The following ACADM variants were observed in gnomAD, a reference collection of about 807,000 sequenced individuals.
ACADM encodes the protein medium-chain specific acyl-CoA dehydrogenase, mitochondrial.
Under a neutral mutation model 58.9 loss-of-function variants are expected in ACADM, and 49 were observed. That is an observed-to-expected ratio of 0.83 (90% CI 0.66 to 1.06). ACADM has a LOEUF of 1.06. Ranked by LOEUF, ACADM falls within the 50% of genes least tolerant of loss-of-function variation. The pLI is 0.00. For synonymous variants in ACADM, 160 were observed against 157.7 expected (o/e 1.01, Z -0.11); for missense variants, 496 against 507.0 (o/e 0.98, Z 0.21).
chr1:75,735,393 A>G (rs114408488), intron 6 of ACADM, among the ~76,000 whole-genome samples: 1,882 of 150,014 alleles, frequency 0.013, 49 homozygotes, highest in African/African-American at 0.044. Flanking sequence ...TCTACTTGTG[A>G]TGTTTTTGGG....
rs138769157 is a variant in ACADM at position 75,746,213 on chromosome 1, G to T, written c.708+299G>T. Among the ~76,000 whole-genome samples the T allele has an allele frequency of 6.2e-3, 944 of 152,232 alleles. 12 individuals are homozygous for T. The highest frequency in any genetic ancestry group is 0.022 in the African/African-American group (908 of 41,532). On this transcript the variant is annotated intron_variant, in intron 8 of 11. Coordinates refer to ENST00000370841, the MANE Select transcript of ACADM (RefSeq NM_000016.6). ...TACCTGACCAATAATAAGAATTCTG[G>T]ATATTTCAAGGGACTTTCCCACTCT...
At chr1:75,734,760 T>G in intron 5 of ACADM, 31 bp from the exon 6 acceptor site, 1 of 1,533,922 alleles carries the variant, frequency 6.5e-7, no homozygotes. Flanking sequence ...TAAAAATGAC[T>G]TGATTTTTTA....
At position 75,749,531 on chromosome 1, in the gene ACADM, T is replaced by G. The variant is rs1197329004; in HGVS notation, c.821T>G (p.Met274Arg). The G allele has an allele frequency of 6.2e-7, 1 of 1,614,056 alleles. No individual in the cohort carries two copies. Among genetic ancestry groups the G allele is most frequent in the South Asian group, 1.1e-5 (1 of 91,080 alleles). The stretch of plus-strand genomic sequence containing the variant: ...GACGGAGCTGGTTTCAAAGTTGCAA[T>G]GGGAGCTTTTGATAAAACCAGACCT... ...IGDGAGFKVA[M>R]GAFDKTRPVV... Residue 274 changes from methionine (M) to arginine (R), a missense_variant, in exon 9 of 12, where the codon ATG becomes AGG. Transcript: ENST00000370841.
chr1:75,746,267 T>C (rs1441990221), intron 8 of ACADM, among the ~76,000 whole-genome samples: 3 of 152,160 alleles, frequency 2.0e-5, no homozygotes, highest in African/African-American at 7.2e-5. Context: ...ACAGCAACCT[T>C]TTGGTAGGAT....
chr1:75,749,240 T>C (rs1648065194), intron 8 of ACADM, among the ~76,000 whole-genome samples, 179 bp from the exon 9 acceptor site: 1 of 152,200 alleles, frequency 6.6e-6, no homozygotes, highest in South Asian at 2.1e-4. Context: ...GTAGATGATA[T>C]ATGAACAAAT....
At chr1:75,743,304 T>G (rs11578480) in intron 7 of ACADM, 317,677 of 1,181,160 alleles carry the variant, frequency 0.27, 45,064 homozygotes, top group Middle Eastern at 0.36. Context: ...GCTTCCTTGC[T>G]TGAGGCCAAC....
chr1:75,731,077 A>C (rs986688705), intron 2 of ACADM, among the ~76,000 whole-genome samples: 2 of 151,866 alleles, frequency 1.3e-5, no homozygotes, highest in African/African-American at 4.8e-5. Context: ...ACGAGGTCAG[A>C]AGATCGAGAT....
intron 6 of ACADM, 117 bp downstream of exon 6, chr1:75,734,988 A>C: frequency 1.2e-6 from 1 of 802,468 alleles, no homozygotes; most frequent in South Asian, 1.5e-5. Flanking sequence ...AAAACTTAGC[A>C]ACATATTATT....
At chr1:75,733,063 G>T (rs1479944996) in intron 4 of ACADM, 141 bp downstream of exon 4, 7 of 1,613,044 alleles carry the variant, frequency 4.3e-6, no homozygotes, top group African/African-American at 1.3e-5. Context: ...TACAGTGTTT[G>T]CCCACTTTTG....
rs1239734422 is a variant in ACADM at position 75,763,622 on chromosome 1, T to C, written c.*859T>C. 1 of 152,256 alleles carries C rather than the reference T, an allele frequency of 6.6e-6. No individual in the cohort carries two copies. The highest frequency in any genetic ancestry group is 1.5e-5 in the Non-Finnish European group (1 of 68,048). 9.4% of individuals were successfully genotyped at this position (152,256 alleles called of 1,614,324 possible). ...TGAATAAAGTTACCTGTTCATTTTTTATTAGATATTTTAAAGACTTCAGAA... is the reference window on the plus strand; with the variant it reads ...TGAATAAAGTTACCTGTTCATTTTTCATTAGATATTTTAAAGACTTCAGAA... On this transcript the variant is annotated 3_prime_UTR_variant, in exon 12 of 12. Transcript: ENST00000370841.
rs904809976 is a variant in ACADM at position 75,740,109 on chromosome 1, T to C, written c.598T>C (p.Trp200Arg). ...MWITNGGKAN[W>R]YFLLARSDPD... ...GATAACCAACGGAGGAAAAGCTAAT[T>C]GGTATGTTGTTCAAAACATCTTTGT... Residue 200 changes from tryptophan to arginine, a missense_variant and splice_region_variant, in exon 7 of 12, where the codon TGG becomes CGG. Trp to Arg is a moderately radical substitution (Grantham distance 101). Coordinates refer to ENST00000370841, the MANE Select transcript of ACADM (RefSeq NM_000016.6). 3 of 1,609,850 alleles carry C rather than the reference T, an allele frequency of 1.9e-6. No homozygotes were observed. The African/African-American group carries it at 4.0e-5, about 21-fold the overall frequency.
intron 7 of ACADM, chr1:75,744,465 ACAAAC>A: frequency 1.3e-6 from 2 of 1,531,516 alleles, no homozygotes; most frequent in East Asian, 2.2e-5. Flanking sequence ...TTTCAATCTC[ACAAAC>A]CACTTCATCT....
At chr1:75,759,558 G>A (rs1442930130) in intron 10 of ACADM, among the ~76,000 whole-genome samples, 1 of 151,776 alleles carries the variant, frequency 6.6e-6, no homozygotes, top group Non-Finnish European at 1.5e-5. Flanking sequence ...ATTTAATTCT[G>A]AGCCTCTAGA....
intron 2 of ACADM, among the ~76,000 whole-genome samples, chr1:75,729,455 G>GGTT (rs1553122561): frequency 3.1e-5 from 4 of 129,142 alleles, no homozygotes; most frequent in African/African-American, 1.2e-4. Flanking sequence ...AAGTTTCTGT[G>GGTT]TTTTTTTTTT....
chr1:75,751,066 G>A (rs1648173804), intron 10 of ACADM, among the ~76,000 whole-genome samples: 1 of 150,832 alleles, frequency 6.6e-6, no homozygotes, highest in Non-Finnish European at 1.5e-5. Flanking sequence ...TTCTAGCCGG[G>A]CGCGGTGGAT....
chr1:75,725,614 T>C (rs919246130), intron 1 of ACADM, among the ~76,000 whole-genome samples: 3 of 152,148 alleles, frequency 2.0e-5, no homozygotes, highest in African/African-American at 7.2e-5. Context: ...TATAGAAAAC[T>C]TACACCCTTT....
At chr1:75,744,800 A>AT (rs1557454235) in intron 7 of ACADM, 1 of 542,274 alleles carries the variant, frequency 1.8e-6, no homozygotes, top group African/African-American at 1.9e-5. Context: ...TCCGTTTTAT[A>AT]TTATTCCTTT....
intron 7 of ACADM, chr1:75,744,359 G>C (rs1647767898): frequency 2.5e-5 from 39 of 1,588,842 alleles, no homozygotes; most frequent in Non-Finnish European, 3.3e-5. Context: ...AGTGTGAAAA[G>C]CGGAGTGCCT....
chr1:75,728,488 G>A lies in ACADM; in HGVS notation c.118G>A (p.Glu40Lys). ...TGAACCAGGATTAGGATTTAGTTTT[G>A]GTATATGTTCGGTTCTATCTTTTGA... ...QREPGLGFSFEFTEQQKEFQA... is the reference protein window; with the variant it reads ...QREPGLGFSFKFTEQQKEFQA... Residue 40 changes from glutamate to lysine, a missense_variant and splice_region_variant, in exon 2 of 12, where the codon GAG (glutamate) becomes AAG (lysine). Transcript: ENST00000370841. 1 of 1,608,572 alleles carries A rather than the reference G, an allele frequency of 6.2e-7. No individual in the cohort carries two copies. The highest frequency in any genetic ancestry group is 8.5e-7 in the Non-Finnish European group (1 of 1,175,422).
Sources: gnomAD v4.1 joint callset for allele counts (sites outside exome capture counted in the v4.1 genomes callset) on GRCh38, gnomAD v4.1.1 for gene constraint, MANE v1.5 for transcripts, NCBI Gene and HGNC (gene_info 2026-07-23, HGNC 2026-07-21) for gene names.